EPHA3: variants seen among roughly 807,000 people sequenced by gnomAD.
EPHA3 encodes ephrin type-A receptor 3.
Under a neutral mutation model 107.1 loss-of-function variants are expected in EPHA3, and 42 were observed. The observed-to-expected ratio is 0.39, with a 90% CI of 0.31 to 0.51. EPHA3 has a LOEUF of 0.51. Among genes scored for constraint, EPHA3 ranks in the 20% least tolerant of loss-of-function variants. The pLI, the probability that EPHA3 is intolerant of heterozygous loss-of-function variation, is 0.78. For synonymous variants in EPHA3, 461 were observed against 424.8 expected, an observed-to-expected ratio of 1.09 and a Z score of -1.05; for missense variants, 1,183 against 1,211.2, an observed-to-expected ratio of 0.98 and a Z score of 0.35.
intron 11 of EPHA3, among the ~76,000 whole-genome samples, chr3:89,419,866 C>T (rs1246346019): frequency 6.6e-6 from 1 of 151,326 alleles, no homozygotes; most frequent in African/African-American, 2.4e-5. Flanking sequence ...TGCTTCTGAG[C>T]TGTACAGATT....
At chr3:89,329,761 C>G (rs1017343132) in intron 3 of EPHA3, among the ~76,000 whole-genome samples, 7 of 151,968 alleles carry the variant, frequency 4.6e-5, no homozygotes, top group Admixed American at 4.6e-4. Flanking sequence ...CCATTAAATA[C>G]TACTATATAT....
intron 3 of EPHA3, among the ~76,000 whole-genome samples, chr3:89,221,886 G>C (rs1422644933): frequency 6.6e-6 from 1 of 152,118 alleles, no homozygotes; most frequent in Admixed American, 6.6e-5. Flanking sequence ...CCAAGGGGAT[G>C]GTTGGAGAAA....
chr3:89,124,378 A>G (rs532751787), intron 1 of EPHA3, among the ~76,000 whole-genome samples: 3 of 152,302 alleles, frequency 2.0e-5, no homozygotes, highest in African/African-American at 4.8e-5. Flanking sequence ...CAGTTCTACA[A>G]TGGATCACAG....
At chr3:89,153,714 G>C (rs1005219193) in intron 2 of EPHA3, among the ~76,000 whole-genome samples, 6 of 152,024 alleles carry the variant, frequency 3.9e-5, no homozygotes, top group African/African-American at 1.4e-4. Context: ...CCCTGCCCCT[G>C]CATGTGTCCT....
At chr3:89,389,661 G>A (rs948188059) in intron 5 of EPHA3, among the ~76,000 whole-genome samples, 1 of 152,102 alleles carries the variant, frequency 6.6e-6, no homozygotes, top group Non-Finnish European at 1.5e-5. Flanking sequence ...CAGAATAATG[G>A]CAAATATAGA....
At chr3:89,123,745 C>A (rs1704022710) in intron 1 of EPHA3, among the ~76,000 whole-genome samples, 1 of 152,044 alleles carries the variant, frequency 6.6e-6, no homozygotes, top group South Asian at 2.1e-4. Flanking sequence ...ATTTATTTAC[C>A]AACTTAAATA....
chr3:89,245,479 A>T (rs1055643328), intron 3 of EPHA3, among the ~76,000 whole-genome samples: 4 of 152,210 alleles, frequency 2.6e-5, no homozygotes, highest in African/African-American at 7.2e-5. Flanking sequence ...TATTATAAAC[A>T]TGAAAAACAA....
chr3:89,379,986 A>G (rs1009721799), intron 5 of EPHA3, among the ~76,000 whole-genome samples: 4 of 152,144 alleles, frequency 2.6e-5, no homozygotes, highest in South Asian at 2.1e-4. Context: ...TTCTGCTTCA[A>G]TTAGTCTCTA....
At chr3:89,188,667 C>T (rs1705629319) in intron 2 of EPHA3, among the ~76,000 whole-genome samples, 1 of 152,186 alleles carries the variant, frequency 6.6e-6, no homozygotes, top group Non-Finnish European at 1.5e-5. Flanking sequence ...ACAAACTTCA[C>T]TTCTAACTAA....
At position 89,387,478 on chromosome 3, in the gene EPHA3, T is replaced by A. The variant is rs139977125; in HGVS notation, c.1307-8359T>A. On this transcript the variant is annotated intron_variant, in intron 5 of 16. Coordinates refer to ENST00000336596, the MANE Select transcript of EPHA3 (RefSeq NM_005233.6). ...AGGCCTCCTCACCCCTGAGTAACTA[T>A]GTCAATTAAGCCTCTTTCATTTATA... Among the ~76,000 whole-genome samples the A allele has an allele frequency of 5.3e-4, 81 of 152,300 alleles. 1 individual carries two copies. Among genetic ancestry groups the A allele is most frequent in the Admixed American group, 4.5e-3 (69 of 15,296 alleles).
chr3:89,446,562 T>G (rs1176845727), intron 13 of EPHA3, among the ~76,000 whole-genome samples: 1 of 152,096 alleles, frequency 6.6e-6, no homozygotes, highest in African/African-American at 2.4e-5. Flanking sequence ...CTTTCATGGC[T>G]GTCATCAACC....
intron 13 of EPHA3, among the ~76,000 whole-genome samples, chr3:89,434,004 C>T (rs1428456017): frequency 1.3e-5 from 2 of 152,038 alleles, no homozygotes; most frequent in Non-Finnish European, 2.9e-5. Flanking sequence ...CTAAGGCTAT[C>T]CCTCTTAACC....
intron 11 of EPHA3, among the ~76,000 whole-genome samples, chr3:89,420,949 T>A (rs1460658854): frequency 2.6e-5 from 4 of 151,484 alleles, no homozygotes; most frequent in Non-Finnish European, 4.4e-5. Context: ...CATGATAATT[T>A]CTCTCTTACA....
chr3:89,155,253 T>G (rs1238414092), intron 2 of EPHA3, among the ~76,000 whole-genome samples: 2 of 151,958 alleles, frequency 1.3e-5, no homozygotes, highest in Non-Finnish European at 2.9e-5. Context: ...TACTATTTCT[T>G]TATTTGTTAA....
chr3:89,387,682 A>C (rs1452846806), intron 5 of EPHA3, among the ~76,000 whole-genome samples: 2 of 149,154 alleles, frequency 1.3e-5, no homozygotes, highest in Admixed American at 6.6e-5. Flanking sequence ...GGAGATATTA[A>C]AAAGAAGAAG....
chr3:89,173,974 C>T (rs1464615626), intron 2 of EPHA3, among the ~76,000 whole-genome samples: 7 of 151,976 alleles, frequency 4.6e-5, no homozygotes, highest in East Asian at 1.9e-4. Context: ...CCAAATCACA[C>T]GTGTGTCTTT....
Position 89,423,435 on chromosome 3 carries a change from A to C in EPHA3, c.2074+4045A>C, listed in dbSNP as rs144729430. On this transcript the variant is annotated intron_variant, in intron 11 of 16. Coordinates refer to ENST00000336596, the MANE Select transcript of EPHA3 (RefSeq NM_005233.6). ...TTATTTTCTGTTTGTTTCTCTCTAAAAATATTCTAAATTTGTCTTAAGTGT... is the reference window on the plus strand; with the variant it reads ...TTATTTTCTGTTTGTTTCTCTCTAACAATATTCTAAATTTGTCTTAAGTGT... Among the ~76,000 whole-genome samples the C allele has an allele frequency of 6.0e-3, 902 of 151,438 alleles. 12 individuals carry two copies. The highest frequency in any genetic ancestry group is 0.02 in the African/African-American group (827 of 41,442).
At chr3:89,356,708 G>A (rs1046355657) in intron 5 of EPHA3, among the ~76,000 whole-genome samples, 15 of 150,912 alleles carry the variant, frequency 9.9e-5, no homozygotes, top group Non-Finnish European at 1.5e-5. Flanking sequence ...TTGATTCTGT[G>A]CCATCACTGA....
At chr3:89,146,690 T>C (rs781448967) in intron 2 of EPHA3, among the ~76,000 whole-genome samples, 4 of 152,038 alleles carry the variant, frequency 2.6e-5, no homozygotes, top group Non-Finnish European at 5.9e-5. Context: ...CAATTGCTTT[T>C]GGTGTTTTAG....
Sources: allele counts gnomAD v4.1 joint callset (sites outside exome capture counted in the v4.1 genomes callset), GRCh38; gene constraint gnomAD v4.1.1; transcripts MANE v1.5; gene names NCBI Gene and HGNC (gene_info 2026-07-23, HGNC 2026-07-21).